PACS1: variants seen among roughly 807,000 people sequenced by gnomAD.
PACS1 encodes PACS-1.
In PACS1, 24 loss-of-function variants were observed where a neutral mutation model predicts 115.0. The ratio of observed to expected loss-of-function variants is 0.21; its 90% CI spans 0.15 to 0.29. The LOEUF is 0.29. Among genes scored for constraint, PACS1 ranks in the 10% least tolerant of loss-of-function variants. The probability of loss-of-function intolerance (pLI) is 1.00; values close to 1 mark genes in which losing one functional copy is unlikely to be tolerated. For synonymous variants in PACS1, 453 were observed against 504.5 expected, an observed-to-expected ratio of 0.90 and a Z score of 1.37; for missense variants, 838 against 1,251.2, an observed-to-expected ratio of 0.67 and a Z score of 4.98.
chr11:66,171,610 C>G (rs531752107), intron 1 of PACS1, among the ~76,000 whole-genome samples: 2 of 149,538 alleles, frequency 1.3e-5, no homozygotes, highest in African/African-American at 5.1e-5. Context: ...AACGGAGTCT[C>G]GCTCTGTCGC....
intron 1 of PACS1, among the ~76,000 whole-genome samples, chr11:66,106,914 A>G (rs1437018244): frequency 1.3e-5 from 2 of 152,122 alleles, no homozygotes; most frequent in Non-Finnish European, 2.9e-5. Context: ...GGATATCTAC[A>G]GTTGGTGTTC....
intron 1 of PACS1, among the ~76,000 whole-genome samples, chr11:66,113,269 G>A (rs1858227424): frequency 6.6e-6 from 1 of 152,120 alleles, no homozygotes; most frequent in Non-Finnish European, 1.5e-5. Context: ...CACTTCTTGG[G>A]CAGATGACTT....
At chr11:66,172,974 C>CAAAA (rs10684950) in intron 1 of PACS1, among the ~76,000 whole-genome samples, 5 of 88,352 alleles carry the variant, frequency 5.7e-5, no homozygotes, top group Admixed American at 1.3e-4. Flanking sequence ...GACTCTGTCT[C>CAAAA]AAAAAAAAAA....
chr11:66,073,960 T>TATG (rs1857355099), intron 1 of PACS1, among the ~76,000 whole-genome samples: 1 of 144,780 alleles, frequency 6.9e-6, no homozygotes, highest in South Asian at 2.3e-4. Flanking sequence ...AGGGTCTCAC[T>TATG]ATGTTGCCCA....
intron 10 of PACS1, among the ~76,000 whole-genome samples, chr11:66,224,195 C>A (rs1313488293): frequency 4.1e-3 from 332 of 81,116 alleles, no homozygotes; most frequent in South Asian, 7.3e-3. Flanking sequence ...GACTCCATCT[C>A]AAAAAAAAAA....
chr11:66,070,831 C>T lies in PACS1; in HGVS notation c.345C>T (p.Ser115=), dbSNP rs1419624466. 1.3e-6 allele frequency: 2 copies of T among 1,492,740 alleles called. No individual in the cohort carries two copies. Among genetic ancestry groups the T allele is most frequent in the East Asian group, 2.9e-5 (1 of 34,786 alleles). 92.5% of individuals were successfully genotyped at this position (1,492,740 alleles called of 1,614,324 possible). A position where few individuals can be genotyped will look rare whatever the true frequency, so the allele number is the denominator to read the frequency against. ...GGGAGGTGGACCGGAGCTCGTCCAG[C>T]TGCGTGCCTAGGTGAGCGCGGGAGG... The part of the protein sequence containing the change: ...ATWEVDRSSS[S]CVPRLFSLTL... Residue 115 remains serine, a synonymous_variant, in exon 1 of 24, where the codon AGC becomes AGT. Transcript: ENST00000320580. The surrounding 1 kb of genome is among the most constrained non-coding windows in gnomAD (Gnocchi z 5.9).
chr11:66,168,890 A>C (rs1052006198), intron 1 of PACS1, among the ~76,000 whole-genome samples: 2 of 150,526 alleles, frequency 1.3e-5, no homozygotes, highest in Admixed American at 6.6e-5. Context: ...TTAATCTCTC[A>C]TTAATCCTAA....
At chr11:66,183,908 G>A (rs1860059619) in intron 1 of PACS1, among the ~76,000 whole-genome samples, 1 of 152,166 alleles carries the variant, frequency 6.6e-6, no homozygotes, top group Admixed American at 6.5e-5. Context: ...AGTGACATCT[G>A]GGTGTTGCCA....
chr11:66,129,003 G>C (rs1858641968), intron 1 of PACS1, among the ~76,000 whole-genome samples: 1 of 152,106 alleles, frequency 6.6e-6, no homozygotes. Flanking sequence ...TGGGGTGATG[G>C]GAATGATCTG....
chr11:66,071,219 T>A (rs1415532151), intron 1 of PACS1, among the ~76,000 whole-genome samples: 1 of 151,636 alleles, frequency 6.6e-6, no homozygotes, highest in Non-Finnish European at 1.5e-5. Context: ...TCTCTTGATA[T>A]TATTATTTCC....
intron 21 of PACS1, among the ~76,000 whole-genome samples, chr11:66,240,704 A>T (rs1177607746): frequency 1.3e-5 from 2 of 151,848 alleles, no homozygotes; most frequent in African/African-American, 2.4e-5. Context: ...CCCACAGCGG[A>T]AGGGTTTCTG....
intron 1 of PACS1, among the ~76,000 whole-genome samples, chr11:66,190,187 C>T (rs1590807610): frequency 6.6e-6 from 1 of 152,204 alleles, no homozygotes; most frequent in Admixed American, 6.5e-5. Flanking sequence ...TACAGGTATG[C>T]TCCCAATTGC....
At chr11:66,118,535 C>T (rs1323650771) in intron 1 of PACS1, among the ~76,000 whole-genome samples, 1 of 152,036 alleles carries the variant, frequency 6.6e-6, no homozygotes, top group East Asian at 1.9e-4. Context: ...TCACTTGAGC[C>T]TGGGAAGTCA....
At chr11:66,157,711 A>G (rs1237307962) in intron 1 of PACS1, among the ~76,000 whole-genome samples, 2 of 152,066 alleles carry the variant, frequency 1.3e-5, no homozygotes, top group African/African-American at 4.8e-5. Context: ...GTTATCACAG[A>G]CACCATCTCT....
At chr11:66,205,411 G>A (rs890097868) in intron 2 of PACS1, among the ~76,000 whole-genome samples, 8 of 151,954 alleles carry the variant, frequency 5.3e-5, no homozygotes, top group African/African-American at 1.9e-4. Context: ...AGTATAATTG[G>A]AATATTTGTA....
chr11:66,086,355 G>T (rs1790420806), intron 1 of PACS1, among the ~76,000 whole-genome samples: 3 of 152,018 alleles, frequency 2.0e-5, no homozygotes, highest in African/African-American at 7.2e-5. Context: ...AGCCAGGATG[G>T]TCTCGATCTC....
chr11:66,216,097 C>T (rs1213660924), intron 4 of PACS1, 22 bp from the exon 5 acceptor site: 7 of 1,612,946 alleles, frequency 4.3e-6, no homozygotes, highest in Non-Finnish European at 5.9e-6. Context: ...AACACGCCTC[C>T]ACCACCTCCC....
chr11:66,107,989 T>C (rs993240785), intron 1 of PACS1, among the ~76,000 whole-genome samples: 1 of 152,140 alleles, frequency 6.6e-6, no homozygotes, highest in Non-Finnish European at 1.5e-5. Context: ...CACCATCTCA[T>C]AATCTGTTAC....
chr11:66,241,233 T>C, intron 21 of PACS1, 194 bp from the exon 22 acceptor site: 2 of 544,952 alleles, frequency 3.7e-6, no homozygotes, highest in Non-Finnish European at 6.6e-6. Context: ...GGGCCTTTAT[T>C]CTCCCCAGCT....
Sources: gnomAD v4.1 joint callset for allele counts (sites outside exome capture counted in the v4.1 genomes callset) on GRCh38, gnomAD v4.1.1 for gene constraint, Gnocchi (gnomAD v3.1) non-coding constraint, MANE v1.5 for transcripts, NCBI Gene and HGNC (gene_info 2026-07-23, HGNC 2026-07-21) for gene names.